The following SEMA3A variants were observed in gnomAD, a reference collection of about 807,000 sequenced individuals.
The protein encoded by SEMA3A is semaphorin 3A.
A neutral mutation model predicts 97.9 loss-of-function variants in SEMA3A; 29 were observed. The ratio of observed to expected loss-of-function variants is 0.30; its 90% confidence interval spans 0.22 to 0.40. The LOEUF (loss-of-function observed/expected upper bound fraction) is 0.40. Ranked by LOEUF, SEMA3A falls within the 10% of genes least tolerant of loss-of-function variation. The pLI is 1.00. For synonymous variants in SEMA3A, 321 were observed against 323.7 expected, an observed-to-expected ratio of 0.99 and a Z score of 0.09; for missense variants, 763 against 951.3, an observed-to-expected ratio of 0.80 and a Z score of 2.60.
intron 3 of SEMA3A, among the ~76,000 whole-genome samples, chr7:84,126,852 A>G (rs1795814439): frequency 6.6e-6 from 1 of 152,188 alleles, no homozygotes; most frequent in African/African-American, 2.4e-5. Context: ...GCCCAAAGAA[A>G]GTTAGCATAC....
intron 2 of SEMA3A, among the ~76,000 whole-genome samples, chr7:84,365,348 A>T (rs1288387503): frequency 6.6e-6 from 1 of 151,602 alleles, no homozygotes; most frequent in African/African-American, 2.4e-5. Flanking sequence ...TAGTCTAGGT[A>T]TAAGTGCTTT....
chr7:84,105,949 C>T (rs1583975631), intron 4 of SEMA3A, among the ~76,000 whole-genome samples: 1 of 152,254 alleles, frequency 6.6e-6, no homozygotes, highest in Admixed American at 6.5e-5. Flanking sequence ...TCTGCAGTGT[C>T]AAGTGTTATT....
At chr7:84,438,410 T>C (rs1805189165) in intron 1 of SEMA3A, among the ~76,000 whole-genome samples, 1 of 152,058 alleles carries the variant, frequency 6.6e-6, no homozygotes, top group Non-Finnish European at 1.5e-5. Flanking sequence ...TGTGTTACAA[T>C]GGAATCCATA....
intron 1 of SEMA3A, among the ~76,000 whole-genome samples, chr7:84,151,305 A>G (rs1796661024): frequency 6.6e-6 from 1 of 151,530 alleles, no homozygotes; most frequent in African/African-American, 2.4e-5. Context: ...CTACGGGAGG[A>G]CATTCAAACC....
At chr7:84,438,739 C>A (rs1805199421) in intron 1 of SEMA3A, among the ~76,000 whole-genome samples, 1 of 151,844 alleles carries the variant, frequency 6.6e-6, no homozygotes, top group Non-Finnish European at 1.5e-5. Flanking sequence ...TAGAAACAAC[C>A]AAGAGTTTGA....
chr7:84,278,383 C>A (rs974293797), intron 3 of SEMA3A, among the ~76,000 whole-genome samples: 1 of 152,190 alleles, frequency 6.6e-6, no homozygotes, highest in Admixed American at 6.6e-5. Context: ...TCTTCTGAAC[C>A]CTCTACCCTC....
At chr7:84,429,583 G>A (rs1041635463) in intron 1 of SEMA3A, among the ~76,000 whole-genome samples, 2 of 127,730 alleles carry the variant, frequency 1.6e-5, no homozygotes, top group African/African-American at 3.0e-5. Context: ...GGTTAAAATC[G>A]TATCTAGTGT....
intron 1 of SEMA3A, among the ~76,000 whole-genome samples, chr7:84,137,533 G>A (rs1295854576): frequency 1.3e-5 from 2 of 151,644 alleles, no homozygotes; most frequent in Non-Finnish European, 2.9e-5. Flanking sequence ...GGATGGAAAC[G>A]GGCTGCTGCC....
chr7:84,160,672 G>A (rs542135901), intron 1 of SEMA3A, among the ~76,000 whole-genome samples: 73 of 151,408 alleles, frequency 4.8e-4, no homozygotes, highest in African/African-American at 1.6e-3. Flanking sequence ...TGAGGTAGGA[G>A]TCTGAGATCA....
chr7:84,451,387 G>C lies in SEMA3A; in HGVS notation c.-246+41073C>G, dbSNP rs144557615. On this transcript the variant is annotated intron_variant, in intron 1 of 3. Transcript: ENST00000424555. The stretch of plus-strand genomic sequence containing the variant: ...GGGAAAAGTCTCTGTTGTCAGTTTT[G>C]AATCATTCTGGAACAAATTTTGCCC... Among the ~76,000 whole-genome samples the C allele has an allele frequency of 2.9e-3, 444 of 152,182 alleles. 3 individuals carry two copies. Among genetic ancestry groups the C allele is most frequent in the African/African-American group, 9.9e-3 (411 of 41,532 alleles).
intron 3 of SEMA3A, among the ~76,000 whole-genome samples, chr7:84,241,670 G>A (rs1276278658): frequency 6.6e-6 from 1 of 152,102 alleles, no homozygotes; most frequent in African/African-American, 2.4e-5. Flanking sequence ...TGTTGCCATT[G>A]CTTTTAGTAT....
chr7:84,005,701 A>ACTT (rs1017399772), intron 10 of SEMA3A, 143 bp from the exon 11 acceptor site: 5 of 589,586 alleles, frequency 8.5e-6, no homozygotes, highest in Non-Finnish European at 1.4e-5. Context: ...TAATCCTAGC[A>ACTT]CTTTGAGAGG....
At chr7:84,479,590 A>C (rs978864093) in intron 1 of SEMA3A, among the ~76,000 whole-genome samples, 1 of 152,208 alleles carries the variant, frequency 6.6e-6, no homozygotes, top group African/African-American at 2.4e-5. Flanking sequence ...GAGACATGCT[A>C]TAGAATTCAG....
chr7:84,424,557 A>G lies in SEMA3A; in HGVS notation c.-245-52657T>C, dbSNP rs1303849156. On this transcript the variant is annotated intron_variant, in intron 1 of 3. Coordinates refer to the SEMA3A transcript ENST00000424555. ...ATATATAAATATTAATATATATTAT[A>G]TATAATATATAAATATTAATATATA... Among the ~76,000 whole-genome samples, 17 of 92,856 alleles carry G rather than the reference A, an allele frequency of 1.8e-4. 1 individual carries two copies. The highest frequency in any genetic ancestry group is 7.6e-4 in the Admixed American group (4 of 5,230). The allele number at this position is 92,856 out of a possible 152,430, so 60.9% of individuals were successfully genotyped here.
chr7:84,128,539 T>C (rs554211758), intron 3 of SEMA3A, among the ~76,000 whole-genome samples: 1 of 152,276 alleles, frequency 6.6e-6, no homozygotes, highest in East Asian at 1.9e-4. Context: ...AAAGAGACCA[T>C]ATTTTTGCTT....
chr7:84,393,920 A>T (rs960903756), intron 1 of SEMA3A, among the ~76,000 whole-genome samples: 4 of 152,124 alleles, frequency 2.6e-5, no homozygotes, highest in African/African-American at 4.8e-5. Context: ...CTCATTTTGT[A>T]GTCTCTCTTG....
chr7:84,132,390 T>G (rs1412135385), intron 2 of SEMA3A, among the ~76,000 whole-genome samples: 1 of 151,576 alleles, frequency 6.6e-6, no homozygotes, highest in Non-Finnish European at 1.5e-5. Flanking sequence ...CTGTAGAATT[T>G]TCTTAGCTGT....
intron 4 of SEMA3A, among the ~76,000 whole-genome samples, chr7:84,073,692 T>C (rs1396035773): frequency 6.6e-6 from 1 of 151,912 alleles, no homozygotes; most frequent in Non-Finnish European, 1.5e-5. Flanking sequence ...TGCCATAGCT[T>C]GGGAAGGGAA....
rs1395433223 is a variant in SEMA3A at position 84,121,795 on chromosome 7, C to T, written c.333+7328G>A. On this transcript the variant is annotated intron_variant, in intron 3 of 16. Transcript: ENST00000265362. ...CTGGGACTACAGGCGCCCGCCACTA[C>T]GCCCGGCTAATTTTTTTGTATTTTT... Among the ~76,000 whole-genome samples, 2 of 44,332 alleles carry T rather than the reference C, an allele frequency of 4.5e-5. 1 individual carries two copies. Among genetic ancestry groups the T allele is most frequent in the African/African-American group, 1.7e-4 (2 of 11,462 alleles). The allele number at this position is 44,332 out of a possible 152,430, so 29.1% of individuals were successfully genotyped here.
Sources: allele counts gnomAD v4.1 joint callset (sites outside exome capture counted in the v4.1 genomes callset), GRCh38; gene constraint gnomAD v4.1.1; transcripts MANE v1.5; gene names NCBI Gene and HGNC (gene_info 2026-07-23, HGNC 2026-07-21).